The following NLRP11 variants were observed in gnomAD, a reference collection of about 807,000 sequenced individuals.
NLRP11 encodes NLR family pyrin domain containing 11, also known as NACHT, LRR and PYD domains-containing protein 11.
Under a neutral mutation model 79.3 loss-of-function variants are expected in NLRP11, and 53 were observed. That is an observed-to-expected ratio of 0.67 (90% CI 0.54 to 0.84). NLRP11 has a LOEUF of 0.84. Among genes scored for constraint, NLRP11 ranks in the 40% least tolerant of loss-of-function variants. NLRP11 has a pLI of 0.00. For missense variants in NLRP11, 1,264 were observed against 1,255.0 expected (o/e 1.01, Z -0.11); for synonymous variants, 518 against 462.6 (o/e 1.12, Z -1.54).
At chr19:55,790,959 T>C (rs949252535) in intron 7 of NLRP11, among the ~76,000 whole-genome samples, 4 of 151,654 alleles carry the variant, frequency 2.6e-5, no homozygotes, top group South Asian at 2.1e-4. Flanking sequence ...TGGACAGTTA[T>C]ACTTAAGACA....
chr19:55,801,547 A>T, intron 5 of NLRP11, 25 bp downstream of exon 5: 2 of 1,608,882 alleles, frequency 1.2e-6, no homozygotes, highest in Non-Finnish European at 1.7e-6. Context: ...ACATGCACTG[A>T]GCTTTCAGCC....
rs1284526318 is a variant in NLRP11 at position 55,788,947 on chromosome 19, G to A, written c.2715C>T (p.Cys905=). ...TAAGAACAGAGGCAAGAGATCGACAGCAGGCACTGGTTAACATGCACTCTT... is the reference window on the plus strand; with the variant it reads ...TAAGAACAGAGGCAAGAGATCGACAACAGGCACTGGTTAACATGCACTCTT... The change falls in exon 9 of 10, where the codon TGC becomes TGT. Residue 905 remains cysteine, a synonymous_variant. Coordinates refer to ENST00000589093, the Ensembl canonical transcript of NLRP11. The A allele has an allele frequency of 5.0e-6, 8 of 1,613,902 alleles. No homozygotes were observed. In the African/African-American group the frequency reaches 6.7e-5, roughly 13 times the overall value.
intron 1 of NLRP11, among the ~76,000 whole-genome samples, chr19:55,830,842 T>C (rs1243168806): frequency 6.6e-6 from 1 of 152,086 alleles, no homozygotes; most frequent in Admixed American, 6.5e-5. Context: ...CAAGTCGGCG[T>C]TGCATCAGAT....
intron 4 of NLRP11, among the ~76,000 whole-genome samples, chr19:55,804,635 A>C (rs1979809714): frequency 6.6e-6 from 1 of 152,166 alleles, no homozygotes; most frequent in Non-Finnish European, 1.5e-5. Flanking sequence ...TCAGGAAAAA[A>C]TAAATGAGTA....
chr19:55,801,842 T>A, intron 4 of NLRP11, 103 bp from the exon 5 acceptor site: 1 of 913,786 alleles, frequency 1.1e-6, no homozygotes, highest in Non-Finnish European at 1.7e-6. Context: ...AGATTCTCAG[T>A]GGATTACATC....
At chr19:55,790,060 G>A (rs1409610347) in intron 7 of NLRP11, among the ~76,000 whole-genome samples, 3 of 152,094 alleles carry the variant, frequency 2.0e-5, no homozygotes, top group Non-Finnish European at 2.9e-5. Flanking sequence ...GCTTGCAAGC[G>A]CCACTCTAGT....
chr19:55,788,491 A>G (rs1485208054), intron 9 of NLRP11, among the ~76,000 whole-genome samples: 1 of 151,518 alleles, frequency 6.6e-6, no homozygotes, highest in African/African-American at 2.4e-5. Context: ...CTATAATCCC[A>G]GCACTTCGGG....
intron 2 of NLRP11, among the ~76,000 whole-genome samples, chr19:55,817,074 TG>T (rs1203256782): frequency 4.0e-5 from 6 of 151,446 alleles, no homozygotes; most frequent in African/African-American, 1.5e-4. Flanking sequence ...AAAATGAATA[TG>T]AAAAAAATGC....
chr19:55,801,443 T>TA (rs1019483848), intron 5 of NLRP11, 129 bp downstream of exon 5: 75 of 683,316 alleles, frequency 1.1e-4, no homozygotes, highest in Non-Finnish European at 1.7e-4. Flanking sequence ...AACCACGTGC[T>TA]AAAAAAATTG....
At chr19:55,791,911 C>T (rs575649732) in intron 7 of NLRP11, among the ~76,000 whole-genome samples, 1 of 152,178 alleles carries the variant, frequency 6.6e-6, no homozygotes, top group Non-Finnish European at 1.5e-5. Context: ...TATTTCCCAA[C>T]AGAAAGATGC....
intron 2 of NLRP11, among the ~76,000 whole-genome samples, chr19:55,817,663 C>T (rs1981265836): frequency 6.6e-6 from 1 of 152,028 alleles, no homozygotes. Context: ...ACTACAGGGA[C>T]TCGGCGGGAA....
chr19:55,835,895 G>A (rs564669047), upstream of NLRP11, among the ~76,000 whole-genome samples: 961 of 152,212 alleles, frequency 6.3e-3, 4 homozygotes, highest in Non-Finnish European at 0.01. Context: ...AGGCCGAGGC[G>A]GGCAGATCAC....
chr19:55,804,521 C>T (rs1408043851), intron 4 of NLRP11, among the ~76,000 whole-genome samples: 1 of 151,696 alleles, frequency 6.6e-6, no homozygotes, highest in Non-Finnish European at 1.5e-5. Context: ...GAACCAAATA[C>T]TGCATGTTCT....
At chr19:55,830,837 C>T (rs543282595) in intron 1 of NLRP11, among the ~76,000 whole-genome samples, 28 of 152,126 alleles carry the variant, frequency 1.8e-4, no homozygotes, top group African/African-American at 6.3e-4. Flanking sequence ...CGTCCCAAGT[C>T]GGCGTTGCAT....
At chr19:55,795,229 C>T (rs943203976) in intron 6 of NLRP11, among the ~76,000 whole-genome samples, 8 of 152,124 alleles carry the variant, frequency 5.3e-5, no homozygotes, top group Non-Finnish European at 7.4e-5. Context: ...AGCTTACCTA[C>T]GAGTAACCCA....
intron 2 of NLRP11, among the ~76,000 whole-genome samples, chr19:55,811,113 T>A (rs1980562806): frequency 6.6e-6 from 1 of 152,004 alleles, no homozygotes; most frequent in African/African-American, 2.4e-5. Flanking sequence ...TTCCCTTCTA[T>A]TTTTTTGTTT....
chr19:55,808,677 C>T (rs748746085), intron 3 of NLRP11, 92 bp downstream of exon 3: 1 of 1,157,246 alleles, frequency 8.6e-7, no homozygotes, highest in Admixed American at 2.4e-5. Flanking sequence ...TTCTTCATGG[C>T]CCCGAGTTTG....
chr19:55,792,786 T>C (rs139162677), intron 6 of NLRP11, among the ~76,000 whole-genome samples: 62 of 152,342 alleles, frequency 4.1e-4, no homozygotes, highest in African/African-American at 1.4e-3. Flanking sequence ...TTTGGCTAAA[T>C]TGAATCCTAG....
At chr19:55,831,096 C>CTCA (rs1982722422) in intron 1 of NLRP11, among the ~76,000 whole-genome samples, 22 of 3,812 alleles carry the variant, frequency 5.8e-3, no homozygotes, top group South Asian at 0.02. Flanking sequence ...AGACCCACCG[C>CTCA]CCCACCCCCC....
Sources: gnomAD v4.1 joint callset for allele counts (sites outside exome capture counted in the v4.1 genomes callset) on GRCh38, gnomAD v4.1.1 for gene constraint, MANE v1.5 for transcripts, NCBI Gene and HGNC (gene_info 2026-07-23, HGNC 2026-07-21) for gene names.